Variants in MEF2D observed in about 807,000 individuals in gnomAD.
The protein encoded by MEF2D is myocyte-specific enhancer factor 2D.
In MEF2D, 10 loss-of-function variants were observed where a neutral mutation model predicts 59.3. The ratio of observed to expected loss-of-function variants is 0.17; its 90% CI spans 0.10 to 0.29. The LOEUF is 0.29. Among genes scored for constraint, MEF2D ranks in the 10% least tolerant of loss-of-function variants. The pLI, the probability that MEF2D is intolerant of heterozygous loss-of-function variation, is 1.00. For synonymous variants in MEF2D, 305 were observed against 295.0 expected (o/e 1.03, Z -0.35); for missense variants, 508 against 699.4 (o/e 0.73, Z 3.09).
At chr1:156,469,208 T>C (rs1109751) in intron 9 of MEF2D, among the ~76,000 whole-genome samples, 188 bp from the exon 10 acceptor site, 49,132 of 151,992 alleles carry the variant, frequency 0.32, 8,541 homozygotes, top group African/African-American at 0.44. Flanking sequence ...ACCTAAGTCA[T>C]AATAACCATG....
In MEF2D at chr1:156,468,908, C is replaced by CGGCTGCTGG; in HGVS notation, c.1110_1118dup (p.Gln375_Gln377dup). 1 of 1,613,344 alleles carries CGGCTGCTGG rather than the reference C, an allele frequency of 6.2e-7. No homozygotes were observed. Among genetic ancestry groups the CGGCTGCTGG allele is most frequent in the Non-Finnish European group, 8.5e-7 (1 of 1,179,658 alleles). On this transcript the variant is annotated inframe_insertion, in exon 10 of 12. Transcript: ENST00000348159. This position sits in a 1 kb window ranked among gnomAD's most constrained non-coding sequence, Gnocchi z 4.3. ...GCTGCTGTGGAGGCTGTGGCTGCTGCGGCTGCTGGGGCTGCTGTGGCTGTT... is the reference window on the plus strand; with the variant it reads ...GCTGCTGTGGAGGCTGTGGCTGCTGCGGCTGCTGGGGCTGCTGGGGCTGCTGTGGCTGTT...
At position 156,480,711 on chromosome 1, in the gene MEF2D, G is replaced by T. The variant is rs184946041; in HGVS notation, c.396+123C>A. ...ATCTTTTTATATTTCTCTTCCGTCT[G>T]GGGGGTCAGGGCAAACACCTCGTCC... On this transcript the variant is annotated intron_variant, in intron 4 of 11. Transcript: ENST00000348159. 782 of 1,608,762 alleles carry T rather than the reference G, an allele frequency of 4.9e-4. 8 individuals carry two copies. In the East Asian group the frequency reaches 0.016, roughly 32 times the overall value.
At chr1:156,492,371 G>C (rs115889358) in intron 1 of MEF2D, among the ~76,000 whole-genome samples, 1 of 152,338 alleles carries the variant, frequency 6.6e-6, no homozygotes, top group African/African-American at 2.4e-5. Flanking sequence ...AACTTGCTTT[G>C]TCAGAAGCCC....
chr1:156,491,687 T>G (rs889636264), intron 1 of MEF2D, among the ~76,000 whole-genome samples: 2 of 152,216 alleles, frequency 1.3e-5, no homozygotes, highest in South Asian at 4.1e-4. Context: ...CCAAGGTCAC[T>G]GTTTGGTCCC....
At chr1:156,476,449 A>C (rs758175468) in intron 8 of MEF2D, 45 bp downstream of exon 8, 8 of 1,603,716 alleles carry the variant, frequency 5.0e-6, no homozygotes, top group Non-Finnish European at 6.8e-6. Context: ...GCAGAGCAAT[A>C]CCCAGAATTC....
chr1:156,489,594 G>A (rs1316677395), intron 1 of MEF2D, among the ~76,000 whole-genome samples: 2 of 151,928 alleles, frequency 1.3e-5, no homozygotes, highest in African/African-American at 4.8e-5. Context: ...GTTCAACAAC[G>A]GCTTCCAGGA....
At chr1:156,474,266 T>C (rs1176167899) in intron 9 of MEF2D, among the ~76,000 whole-genome samples, 1 of 152,122 alleles carries the variant, frequency 6.6e-6, no homozygotes, top group Non-Finnish European at 1.5e-5. Flanking sequence ...CCAGGCAACA[T>C]GGCAAAAACC....
intron 3 of MEF2D, 91 bp downstream of exon 3, chr1:156,482,346 A>G (rs1330555350): frequency 7.5e-7 from 1 of 1,339,226 alleles, no homozygotes; most frequent in Non-Finnish European, 1.1e-6. Flanking sequence ...GTGTGTGTGC[A>G]TAGGCAGGTC....
intron 1 of MEF2D, among the ~76,000 whole-genome samples, chr1:156,491,081 G>A (rs1039235155): frequency 7.9e-5 from 12 of 152,212 alleles, no homozygotes; most frequent in Non-Finnish European, 4.4e-5. Flanking sequence ...GTTCTCAGAA[G>A]TATTTGGGGG....
rs1205246881 is a variant in MEF2D, at chr1:156,468,948, T to C, written c.1079A>G (p.Asn360Ser). 1.7e-5 allele frequency: 28 copies of C among 1,613,844 alleles called. No individual in the cohort carries two copies. The highest frequency in any genetic ancestry group is 2.3e-5 in the Non-Finnish European group (27 of 1,179,872). ...CTGTGGCTGTTGCCAGGCAGTGACA[T>C]TGCCTAGCGACAGCCCCCCAGGTGA... The part of the protein sequence containing the change: ...FSSPGGLSLG[N>S]VTAWQQPQQP... The change falls in exon 10 of 12, where the codon AAT becomes AGT. Residue 360 changes from asparagine (N) to serine (S), a missense_variant. Physicochemically the swap from Asn to Ser is conservative, Grantham distance 46. Coordinates refer to ENST00000348159, the MANE Select transcript of MEF2D (RefSeq NM_005920.4). The surrounding 1 kb of genome is among the most constrained non-coding windows in gnomAD (Gnocchi z 4.3).
At chr1:156,484,802 G>A (rs1416735300) in intron 1 of MEF2D, among the ~76,000 whole-genome samples, 1 of 152,184 alleles carries the variant, frequency 6.6e-6, no homozygotes, top group Non-Finnish European at 1.5e-5. Context: ...AGCACAGCCT[G>A]GGCCAGAAAA....
intron 6 of MEF2D, 104 bp downstream of exon 6, chr1:156,479,186 A>G: frequency 2.1e-6 from 2 of 943,120 alleles, no homozygotes; most frequent in Non-Finnish European, 1.5e-6. Flanking sequence ...TGGCCCTGGG[A>G]TCTTCCTCTC....
chr1:156,479,908 A>G (rs2102102552), intron 4 of MEF2D, 112 bp from the exon 5 acceptor site: 1 of 1,041,248 alleles, frequency 9.6e-7, no homozygotes, highest in African/African-American at 1.6e-5. Context: ...TACGCATCCT[A>G]GGGCCAGCAG....
intron 1 of MEF2D, among the ~76,000 whole-genome samples, chr1:156,491,896 G>A (rs1222870913): frequency 6.6e-6 from 1 of 152,254 alleles, no homozygotes; most frequent in Non-Finnish European, 1.5e-5. Flanking sequence ...CGGACACCAA[G>A]TGGAGTTCTT....
intron 9 of MEF2D, among the ~76,000 whole-genome samples, chr1:156,474,256 C>CCA (rs2102034713): frequency 6.6e-6 from 1 of 152,134 alleles, no homozygotes; most frequent in South Asian, 2.1e-4. Context: ...TGAGACCAGC[C>CCA]CAGGCAACAT....
Position 156,483,254 on chromosome 1 carries a change from G to T in MEF2D, c.39C>A (p.Asp13Glu), listed in dbSNP as rs186698481. The T allele has an allele frequency of 6.2e-7, 1 of 1,614,082 alleles. No individual in the cohort carries two copies. The highest frequency in any genetic ancestry group is 1.3e-5 in the African/African-American group (1 of 75,008). The change falls in exon 2 of 12, where the codon GAC becomes GAA. Residue 13 changes from aspartate (D) to glutamate (E), a missense_variant. By Grantham distance (45) the Asp-to-Glu change is conservative. This residue lies in a region of MEF2D where 27 missense variants were observed against 114.8 expected (regional missense o/e 0.24). Transcript: ENST00000348159. ...RKKIQIQRIT[D>E]ERNRQVTFTK... Reference sequence around the variant, plus strand: ...ACTTCCCTACCTGTCGGTTCCGCTCGTCGGTGATTCGCTGGATCTGAATCT... The same window carrying T: ...ACTTCCCTACCTGTCGGTTCCGCTCTTCGGTGATTCGCTGGATCTGAATCT...
rs759497304 is a variant in MEF2D at position 156,468,747 on chromosome 1, C to G, written c.1247+33G>C. On this transcript the variant is annotated intron_variant, in intron 10 of 11. Transcript: ENST00000348159. This position sits in a 1 kb window ranked among gnomAD's most constrained non-coding sequence, Gnocchi z 4.3. Reference sequence around the variant, plus strand: ...CTCTTCCCGTTCAATTCTCCCTTCCCACACACTCACATGCAGTCTCCCCAG... The same window carrying G: ...CTCTTCCCGTTCAATTCTCCCTTCCGACACACTCACATGCAGTCTCCCCAG... The G allele has an allele frequency of 1.4e-5, 23 of 1,593,236 alleles. No individual in the cohort carries two copies. The highest frequency in any genetic ancestry group is 2.0e-5 in the Non-Finnish European group (23 of 1,163,828).
At chr1:156,495,907 A>G (rs908648616) in intron 1 of MEF2D, among the ~76,000 whole-genome samples, 2 of 152,120 alleles carry the variant, frequency 1.3e-5, no homozygotes, top group African/African-American at 4.8e-5. Context: ...GTAAGTTTAA[A>G]TGAGTAAATA....
chr1:156,483,371 A>C lies in MEF2D; in HGVS notation c.-79T>G. 7.4e-7 allele frequency: 1 copy of C among 1,348,924 alleles called. No individual in the cohort carries two copies. Among genetic ancestry groups the C allele is most frequent in the Non-Finnish European group, 1.1e-6 (1 of 938,946 alleles). 83.6% of individuals were successfully genotyped at this position (1,348,924 alleles called of 1,614,324 possible). Reference sequence around the variant, plus strand: ...TCTCGGCACACCTTACACTGTGCTCATGAACGGTCTGGGAACAGTGCTCAG... The same window carrying C: ...TCTCGGCACACCTTACACTGTGCTCCTGAACGGTCTGGGAACAGTGCTCAG... On this transcript the variant is annotated 5_prime_UTR_variant, in exon 2 of 12. It removes an upstream start codon present in the reference 5' UTR. Transcript: ENST00000348159.
Sources: gnomAD v4.1 joint callset for allele counts (sites outside exome capture counted in the v4.1 genomes callset) on GRCh38, gnomAD v4.1.1 for gene constraint, gnomAD v4.1.1 regional missense constraint, Gnocchi (gnomAD v3.1) non-coding constraint, MANE v1.5 for transcripts, NCBI Gene and HGNC (gene_info 2026-07-23, HGNC 2026-07-21) for gene names.